Variants in LRRC4C observed in about 807,000 individuals in gnomAD.
LRRC4C encodes leucine-rich repeat-containing protein 4C.
Under a neutral mutation model 33.6 loss-of-function variants are expected in LRRC4C, and 5 were observed. That is an observed-to-expected ratio of 0.15 (90% CI 0.08 to 0.31). LRRC4C has a LOEUF of 0.31. Among genes scored for constraint, LRRC4C ranks in the 10% least tolerant of loss-of-function variants. The probability of loss-of-function intolerance (pLI) is 1.00; values close to 1 mark genes in which losing one functional copy is unlikely to be tolerated. For missense variants in LRRC4C, 560 were observed against 796.7 expected, an observed-to-expected ratio of 0.70 and a Z score of 3.58; for synonymous variants, 329 against 302.0, an observed-to-expected ratio of 1.09 and a Z score of -0.93.
chr11:41,024,392 G>C (rs1268087075), intron 1 of LRRC4C, among the ~76,000 whole-genome samples: 2 of 151,668 alleles, frequency 1.3e-5, no homozygotes, highest in Non-Finnish European at 1.5e-5. Flanking sequence ...TAGATATAAA[G>C]CTGGGCTAAT....
chr11:40,401,141 T>C (rs188746836), intron 3 of LRRC4C, among the ~76,000 whole-genome samples: 40 of 151,610 alleles, frequency 2.6e-4, no homozygotes, highest in South Asian at 6.3e-4. Context: ...GCAGCACACA[T>C]GGTGAGCAGG....
chr11:41,255,144 G>GC (rs931980354), intron 1 of LRRC4C, among the ~76,000 whole-genome samples: 27 of 152,098 alleles, frequency 1.8e-4, no homozygotes, highest in East Asian at 1.2e-3. Flanking sequence ...ATTTTCCCCT[G>GC]CCAGTGTTCC....
chr11:40,281,118 A>G (rs1943445462), intron 4 of LRRC4C, among the ~76,000 whole-genome samples: 1 of 152,182 alleles, frequency 6.6e-6, no homozygotes, highest in African/African-American at 2.4e-5. Context: ...ATTGAAAAAC[A>G]TGTAACTTCT....
chr11:40,753,404 TAA>T (rs1948791869), intron 2 of LRRC4C, among the ~76,000 whole-genome samples: 1 of 151,454 alleles, frequency 6.6e-6, no homozygotes, highest in Admixed American at 6.6e-5. Flanking sequence ...CATATATATG[TAA>T]AATATGAAGT....
At chr11:40,718,179 T>C (rs1946828149) in intron 2 of LRRC4C, among the ~76,000 whole-genome samples, 1 of 152,202 alleles carries the variant, frequency 6.6e-6, no homozygotes, top group Admixed American at 6.5e-5. Context: ...CACAGGGCAG[T>C]GGCCGTCAGT....
chr11:40,679,146 C>A (rs578199953), intron 2 of LRRC4C, among the ~76,000 whole-genome samples: 1 of 152,248 alleles, frequency 6.6e-6, no homozygotes, highest in East Asian at 1.9e-4. Flanking sequence ...CAGCATTTTG[C>A]CCCTGCGCTA....
At chr11:40,363,218 A>G (rs975995912) in intron 3 of LRRC4C, among the ~76,000 whole-genome samples, 1 of 152,226 alleles carries the variant, frequency 6.6e-6, no homozygotes, top group African/African-American at 2.4e-5. Flanking sequence ...ATGGAATACT[A>G]TGCAGCCATA....
intron 1 of LRRC4C, among the ~76,000 whole-genome samples, chr11:40,968,629 C>A (rs190682206): frequency 9.9e-5 from 15 of 152,078 alleles, no homozygotes; most frequent in Non-Finnish European, 1.8e-4. Flanking sequence ...AATTTTAGAA[C>A]CCTTACAAAT....
chr11:40,825,263 C>G (rs566432479), intron 2 of LRRC4C, among the ~76,000 whole-genome samples: 11 of 151,964 alleles, frequency 7.2e-5, no homozygotes, highest in African/African-American at 2.7e-4. Flanking sequence ...AACGATGGCT[C>G]TCACTATGCC....
chr11:40,391,125 A>G (rs777065951), intron 3 of LRRC4C, among the ~76,000 whole-genome samples: 12 of 152,074 alleles, frequency 7.9e-5, no homozygotes, highest in Admixed American at 5.2e-4. Flanking sequence ...CGATCTGCCC[A>G]CCTCAGTCTC....
rs1211492298 is a variant in LRRC4C, at chr11:41,244,199, T to A, written c.-496+215232A>T. On this transcript the variant is annotated intron_variant, in intron 1 of 6. Transcript: ENST00000528697. The stretch of plus-strand genomic sequence containing the variant: ...TATCTATCTATCTATCTATCGATCG[T>A]AAAAAGAAAGAAAGAGAGAGAGAAG... Among the ~76,000 whole-genome samples, 3 of 130,068 alleles carry A rather than the reference T, an allele frequency of 2.3e-5. No individual in the cohort carries two copies. The East Asian group carries it at 6.2e-4, about 27-fold the overall frequency. The allele number at this position is 130,068 out of a possible 152,430, so 85.3% of individuals were successfully genotyped here.
At chr11:40,962,970 T>C (rs1851075980) in intron 1 of LRRC4C, among the ~76,000 whole-genome samples, 1 of 151,760 alleles carries the variant, frequency 6.6e-6, no homozygotes, top group African/African-American at 2.4e-5. Context: ...GACTTATTAA[T>C]TCAAACTCTG....
intron 2 of LRRC4C, among the ~76,000 whole-genome samples, chr11:40,666,394 G>T (rs569886263): frequency 6.6e-6 from 1 of 152,124 alleles, no homozygotes; most frequent in Admixed American, 6.5e-5. Context: ...CTAGTAAGGA[G>T]AGAAGGTCAT....
intron 3 of LRRC4C, among the ~76,000 whole-genome samples, chr11:40,567,142 G>A (rs1957798220): frequency 6.6e-6 from 1 of 152,094 alleles, no homozygotes; most frequent in African/African-American, 2.4e-5. Flanking sequence ...GAGATTAAAG[G>A]TTAATTTTCT....
chr11:40,240,274 ATCAT>A (rs1273949810), intron 5 of LRRC4C, among the ~76,000 whole-genome samples: 2 of 152,224 alleles, frequency 1.3e-5, no homozygotes, highest in African/African-American at 4.8e-5. Context: ...TTCACATTAT[ATCAT>A]TAGATCCTTA....
At chr11:40,505,832 C>G (rs1016779681) in intron 3 of LRRC4C, among the ~76,000 whole-genome samples, 1 of 152,098 alleles carries the variant, frequency 6.6e-6, no homozygotes, top group Non-Finnish European at 1.5e-5. Flanking sequence ...GACCTCCCCC[C>G]GCTTTCACAT....
intron 2 of LRRC4C, among the ~76,000 whole-genome samples, chr11:40,766,003 C>T (rs1225075132): frequency 6.6e-6 from 1 of 150,788 alleles, no homozygotes; most frequent in African/African-American, 2.4e-5. Flanking sequence ...ACAGATTTAG[C>T]CCAAATAACA....
intron 3 of LRRC4C, among the ~76,000 whole-genome samples, chr11:40,609,770 T>C (rs886880973): frequency 3.3e-5 from 5 of 151,928 alleles, no homozygotes; most frequent in African/African-American, 1.2e-4. Context: ...TGAATAATTA[T>C]ATGCCAAGAA....
chr11:41,418,071 A>C (rs75335235), intron 1 of LRRC4C, among the ~76,000 whole-genome samples: 4,788 of 151,906 alleles, frequency 0.032, 282 homozygotes, highest in African/African-American at 0.11. Flanking sequence ...TTACTTGGCT[A>C]GCTCAAATAT....
Sources: gnomAD v4.1 joint callset for allele counts (sites outside exome capture counted in the v4.1 genomes callset) on GRCh38, gnomAD v4.1.1 for gene constraint, MANE v1.5 for transcripts, NCBI Gene and HGNC (gene_info 2026-07-23, HGNC 2026-07-21) for gene names.